TAF4B: variants seen among roughly 807,000 people sequenced by gnomAD.
TAF4B encodes the protein TATA-box binding protein associated factor 4b.
Under a neutral mutation model 86.4 loss-of-function variants are expected in TAF4B, and 38 were observed. That is an observed-to-expected ratio of 0.44 (90% CI 0.34 to 0.58). The LOEUF (loss-of-function observed/expected upper bound fraction) is 0.58. Among genes scored for constraint, TAF4B ranks in the 20% least tolerant of loss-of-function variants. The pLI is 0.02. For missense variants in TAF4B, 988 were observed against 1,027.6 expected (o/e 0.96, Z 0.53); for synonymous variants, 388 against 391.2 (o/e 0.99, Z 0.10).
rs553609771 is a variant in TAF4B, at chr18:26,236,783, G to A, written c.343+9507G>A. On this transcript the variant is annotated intron_variant, in intron 1 of 14. Coordinates refer to ENST00000269142, the MANE Select transcript of TAF4B (RefSeq NM_005640.3). Reference sequence around the variant, plus strand: ...CCTGTTCCTCTCGGTCCCTATTATAGAACACTGAGGTTGCCAGGTTTAATA... The same window carrying A: ...CCTGTTCCTCTCGGTCCCTATTATAAAACACTGAGGTTGCCAGGTTTAATA... 5.5e-3 allele frequency among the ~76,000 whole-genome samples: 831 copies of A among 152,152 alleles called. 2 individuals carry two copies. The highest frequency in any genetic ancestry group is 8.4e-3 in the Non-Finnish European group (574 of 68,016).
At chr18:26,388,588 C>G (rs1161556409) in intron 14 of TAF4B, among the ~76,000 whole-genome samples, 1 of 152,028 alleles carries the variant, frequency 6.6e-6, no homozygotes, top group Non-Finnish European at 1.5e-5. Context: ...ACAGGTAGAC[C>G]CATTTGAAAT....
intron 1 of TAF4B, among the ~76,000 whole-genome samples, chr18:26,234,961 C>T (rs184617251): frequency 6.4e-4 from 97 of 152,278 alleles, no homozygotes; most frequent in South Asian, 3.1e-3. Flanking sequence ...AGATGGCCAC[C>T]GCTGCAACTA....
Position 26,274,937 on chromosome 18 carries a change from C to A in TAF4B, c.766C>A (p.Leu256Ile). Residue 256 changes from leucine to isoleucine, a missense_variant, in exon 5 of 15, where the codon CTA (leucine) becomes ATA (isoleucine). By Grantham distance (5) the Leu-to-Ile change is conservative. Around this residue, in one of 3 missense-constraint regions of TAF4B, gnomAD observed 747 missense variants for 737.9 expected, o/e 1.01. Coordinates refer to ENST00000269142, the MANE Select transcript of TAF4B (RefSeq NM_005640.3). ...TTTACATTTTCATATTTAGACAATG[C>A]TAGAAAATGTGAAGAAATGCAAGAA... Reference protein sequence around the residue: ...AVQINLSPTMLENVKKCKNFL... With the variant: ...AVQINLSPTMIENVKKCKNFL... 1 of 1,613,248 alleles carries A rather than the reference C, an allele frequency of 6.2e-7. No homozygotes were observed. Among genetic ancestry groups the A allele is most frequent in the Non-Finnish European group, 8.5e-7 (1 of 1,179,722 alleles).
At chr18:26,348,911 T>G (rs1220229909) in intron 13 of TAF4B, 1 of 152,354 alleles carries the variant, frequency 6.6e-6, no homozygotes, top group Non-Finnish European at 1.5e-5. Context: ...TGTTTAAGCA[T>G]TAATCTACCT....
Position 26,390,077 on chromosome 18 carries a change from A to G in TAF4B, c.*65A>G, listed in dbSNP as rs2144419549. ...CAAAGAAGACACAAAGCATTGTTGC[A>G]CTGTCCTGAAATTTCAATTTCTGGA... On this transcript the variant is annotated 3_prime_UTR_variant, in exon 15 of 15. Transcript: ENST00000269142. 9 of 1,503,642 alleles carry G rather than the reference A, an allele frequency of 6.0e-6. No individual in the cohort carries two copies. The highest frequency in any genetic ancestry group is 2.3e-5 in the East Asian group (1 of 43,472). 93.1% of individuals were successfully genotyped at this position (1,503,642 alleles called of 1,614,324 possible).
intron 13 of TAF4B, among the ~76,000 whole-genome samples, chr18:26,336,897 T>C (rs2057096595): frequency 6.6e-6 from 1 of 152,234 alleles, no homozygotes; most frequent in Non-Finnish European, 1.5e-5. Flanking sequence ...TAATTCTTCC[T>C]TCAGCTTTGT....
At chr18:26,321,548 C>CT (rs35766251) in intron 11 of TAF4B, among the ~76,000 whole-genome samples, 69 of 140,684 alleles carry the variant, frequency 4.9e-4, no homozygotes, top group African/African-American at 9.9e-4. Context: ...ATTCCTGTTC[C>CT]TTTTTTTTTT....
At chr18:26,370,555 C>A (rs1330905061) in intron 14 of TAF4B, among the ~76,000 whole-genome samples, 1 of 152,182 alleles carries the variant, frequency 6.6e-6, no homozygotes, top group East Asian at 1.9e-4. Flanking sequence ...GACTACTGAT[C>A]TTCCTCAGGA....
chr18:26,255,056 G>C (rs2056061902), intron 1 of TAF4B, among the ~76,000 whole-genome samples: 1 of 152,072 alleles, frequency 6.6e-6, no homozygotes, highest in South Asian at 2.1e-4. Flanking sequence ...AGAGTAGCCA[G>C]CCACCTTAAA....
intron 1 of TAF4B, among the ~76,000 whole-genome samples, chr18:26,245,003 GT>G (rs1466877279): frequency 6.6e-6 from 1 of 152,162 alleles, no homozygotes; most frequent in Non-Finnish European, 1.5e-5. Flanking sequence ...CAGCCCAGAA[GT>G]ATAGGAAAAG....
intron 1 of TAF4B, among the ~76,000 whole-genome samples, chr18:26,234,873 G>T (rs536002980): frequency 6.6e-6 from 1 of 152,218 alleles, no homozygotes; most frequent in African/African-American, 2.4e-5. Flanking sequence ...CCTTTGGCAC[G>T]TAGTGTGCCA....
intron 1 of TAF4B, among the ~76,000 whole-genome samples, chr18:26,242,469 T>G (rs2055854648): frequency 6.6e-6 from 1 of 152,210 alleles, no homozygotes; most frequent in African/African-American, 2.4e-5. Context: ...ATTTTGAGCC[T>G]ATGTGTGTCT....
chr18:26,255,877 A>C lies in TAF4B; in HGVS notation c.344-9293A>C, dbSNP rs1328304499. 3 of 1,281,308 alleles carry C rather than the reference A, an allele frequency of 2.3e-6. No homozygotes were observed. The African/African-American group carries it at 4.4e-5, about 19-fold the overall frequency. 79.4% of individuals were successfully genotyped at this position (1,281,308 alleles called of 1,614,324 possible). A position where few individuals can be genotyped will look rare whatever the true frequency, so the allele number is the denominator to read the frequency against. Reference sequence around the variant, plus strand: ...TGTCTTTTCTAGTATGTGAGATCTAAAAAGGAAACAACTGGTGTTCTGTTA... The same window carrying C: ...TGTCTTTTCTAGTATGTGAGATCTACAAAGGAAACAACTGGTGTTCTGTTA... On this transcript the variant is annotated intron_variant, in intron 1 of 14. Coordinates refer to ENST00000269142, the MANE Select transcript of TAF4B (RefSeq NM_005640.3).
intron 9 of TAF4B, among the ~76,000 whole-genome samples, chr18:26,306,449 T>C (rs1272616350): frequency 6.6e-6 from 1 of 152,214 alleles, no homozygotes; most frequent in Admixed American, 6.5e-5. Context: ...TACCCCTGCT[T>C]CCATGTATTT....
rs1397410963 is a variant in TAF4B at position 26,389,083 on chromosome 18, A to AT, written c.2422-760dup. 2.1e-5 allele frequency among the ~76,000 whole-genome samples: 3 copies of AT among 144,858 alleles called. No individual in the cohort carries two copies. The East Asian group carries it at 6.2e-4, about 30-fold the overall frequency. On this transcript the variant is annotated intron_variant, in intron 14 of 14. Coordinates refer to ENST00000269142, the MANE Select transcript of TAF4B (RefSeq NM_005640.3). The stretch of plus-strand genomic sequence containing the variant: ...CACCTCGGCCTCCCAAAGTGCTGGG[A>AT]TTACAGACGTGAGCTACTGTGCCCA...
intron 1 of TAF4B, among the ~76,000 whole-genome samples, chr18:26,249,994 A>G (rs1427495494): frequency 6.6e-6 from 1 of 152,172 alleles, no homozygotes; most frequent in Non-Finnish European, 1.5e-5. Flanking sequence ...AAGTGCTGGA[A>G]TTACAGGCAT....
In TAF4B at chr18:26,335,229, G is replaced by C. The variant is rs2057081480; in HGVS notation, c.2314G>C (p.Glu772Gln). 2 of 1,610,068 alleles carry C rather than the reference G, an allele frequency of 1.2e-6. No homozygotes were observed. Among genetic ancestry groups the C allele is most frequent in the South Asian group, 2.2e-5 (2 of 90,918 alleles). ...GCTGAGATTAAAGCAGAAAGCCAAAGAGGTAGGACTTTCAAGTTACCATGC... is the reference window on the plus strand; with the variant it reads ...GCTGAGATTAAAGCAGAAAGCCAAACAGGTAGGACTTTCAAGTTACCATGC... ...EQLRLKQKAK[E>Q]LQQLELAQIQ... Residue 772 changes from glutamate (E) to glutamine (Q), a missense_variant and splice_region_variant, in exon 13 of 15, where the codon GAG (glutamate) becomes CAG (glutamine). Physicochemically the swap from Glu to Gln is conservative, Grantham distance 29. Around this residue, in one of 3 missense-constraint regions of TAF4B, gnomAD observed 216 missense variants for 238.4 expected, o/e 0.91. Transcript: ENST00000269142.
At chr18:26,249,458 C>G (rs932641968) in intron 1 of TAF4B, among the ~76,000 whole-genome samples, 5 of 149,404 alleles carry the variant, frequency 3.3e-5, no homozygotes, top group Non-Finnish European at 7.4e-5. Context: ...GGCAACAGAG[C>G]AAAACTCTCT....
rs548392364 is a variant in TAF4B at position 26,383,971 on chromosome 18, GT to G, written c.2422-5873del. Among the ~76,000 whole-genome samples, 332 of 152,286 alleles carry G rather than the reference GT, an allele frequency of 2.2e-3. 2 individuals are homozygous for G. The highest frequency in any genetic ancestry group is 7.3e-3 in the African/African-American group (304 of 41,554). On this transcript the variant is annotated intron_variant, in intron 14 of 14. Coordinates refer to ENST00000269142, the MANE Select transcript of TAF4B (RefSeq NM_005640.3). ...TGGGTATTGTGAATATAGATTTTCAGTGTTCTTGTTACACTGGGTCAGGTAT... is the reference window on the plus strand; with the variant it reads ...TGGGTATTGTGAATATAGATTTTCAGGTTCTTGTTACACTGGGTCAGGTAT...
Sources: allele counts gnomAD v4.1 joint callset (sites outside exome capture counted in the v4.1 genomes callset), GRCh38; gene constraint gnomAD v4.1.1; regional missense constraint gnomAD v4.1.1; transcripts MANE v1.5; gene names NCBI Gene and HGNC (gene_info 2026-07-23, HGNC 2026-07-21).